GPLD1: variants seen among roughly 807,000 people sequenced by gnomAD.
GPLD1 encodes the protein phosphatidylinositol-glycan-specific phospholipase D.
In GPLD1, 84 loss-of-function variants were observed where a neutral mutation model predicts 112.6. The ratio of observed to expected loss-of-function variants is 0.75; its 90% CI spans 0.63 to 0.89. The LOEUF is 0.89. Ranked by LOEUF, GPLD1 falls within the 40% of genes least tolerant of loss-of-function variation. The pLI is 0.00. For synonymous variants in GPLD1, 386 were observed against 403.8 expected, an observed-to-expected ratio of 0.96 and a Z score of 0.53; for missense variants, 1,044 against 1,051.5, an observed-to-expected ratio of 0.99 and a Z score of 0.10.
intron 20 of GPLD1, among the ~76,000 whole-genome samples, chr6:24,444,676 C>A (rs1216753853): frequency 1.3e-5 from 2 of 151,926 alleles, no homozygotes; most frequent in Non-Finnish European, 1.5e-5. Flanking sequence ...CATGTTGAGA[C>A]CCTCTCGCTA....
intron 24 of GPLD1, 29 bp from the exon 25 acceptor site, chr6:24,429,147 G>A (rs544081554): frequency 2.6e-5 from 37 of 1,434,250 alleles, no homozygotes; most frequent in Admixed American, 8.4e-5. Context: ...AGAATTCATG[G>A]CTCATTCATA....
intron 18 of GPLD1, 38 bp from the exon 19 acceptor site, chr6:24,445,869 A>G (rs1762894778): frequency 7.1e-7 from 1 of 1,411,836 alleles, no homozygotes; most frequent in Admixed American, 1.7e-5. Context: ...GCCAGGGCAC[A>G]AGACTGACAG....
chr6:24,460,739 ATT>A (rs535822410), intron 11 of GPLD1, among the ~76,000 whole-genome samples: 56,742 of 139,426 alleles, frequency 0.41, 11,086 homozygotes, highest in Middle Eastern at 0.49. Flanking sequence ...AAGCATACTG[ATT>A]TTTTTTTTTT....
intron 22 of GPLD1, 79 bp from the exon 23 acceptor site, chr6:24,433,468 T>G: frequency 1.1e-6 from 1 of 909,334 alleles, no homozygotes. Context: ...ATTATACCCT[T>G]ATACCCTCAT....
intron 2 of GPLD1, among the ~76,000 whole-genome samples, chr6:24,481,712 C>T (rs1479553759): frequency 1.3e-5 from 2 of 152,154 alleles, no homozygotes; most frequent in Admixed American, 6.5e-5. Flanking sequence ...TGAGCTCTGA[C>T]GCTGAGTGCT....
At chr6:24,467,746 A>T (rs1023422648) in intron 7 of GPLD1, among the ~76,000 whole-genome samples, 10 of 152,206 alleles carry the variant, frequency 6.6e-5, no homozygotes, top group Non-Finnish European at 1.5e-4. Context: ...AAAGTATACA[A>T]AAAAGTATAC....
At chr6:24,438,688 T>C (rs186367977) in intron 20 of GPLD1, among the ~76,000 whole-genome samples, 2 of 152,328 alleles carry the variant, frequency 1.3e-5, no homozygotes, top group African/African-American at 4.8e-5. Flanking sequence ...CCTAACACAA[T>C]GTCTCCTAAG....
chr6:24,478,104 G>A (rs746530367), intron 3 of GPLD1, among the ~76,000 whole-genome samples: 8 of 152,098 alleles, frequency 5.3e-5, no homozygotes, highest in South Asian at 2.1e-4. Flanking sequence ...TAAAAATGGC[G>A]TACATTAAGC....
chr6:24,437,382 C>A lies in GPLD1; in HGVS notation c.2021-93G>T, dbSNP rs186349372. ...CCATCCTCAAGTGACACTGATCACT[C>A]GGGATCCTACAGGACAGTCGGTTTC... On this transcript the variant is annotated intron_variant, in intron 20 of 24. Transcript: ENST00000230036. The A allele has an allele frequency of 4.1e-6, 5 of 1,209,080 alleles. No homozygotes were observed. In the African/African-American group the frequency reaches 7.4e-5, roughly 18 times the overall value. 74.9% of individuals were successfully genotyped at this position (1,209,080 alleles called of 1,614,324 possible). A position where few individuals can be genotyped will look rare whatever the true frequency, so the allele number is the denominator to read the frequency against.
At chr6:24,458,050 GAC>G (rs1370270412) in intron 12 of GPLD1, among the ~76,000 whole-genome samples, 1 of 151,460 alleles carries the variant, frequency 6.6e-6, no homozygotes, top group Admixed American at 6.6e-5. Context: ...TTACTGCAGA[GAC>G]AAAAAACACA....
In GPLD1 at chr6:24,427,343, T is replaced by G. The variant is rs1268560731; in HGVS notation, c.*1689A>C. Among the ~76,000 whole-genome samples, 6 of 152,188 alleles carry G rather than the reference T, an allele frequency of 3.9e-5. No individual in the cohort carries two copies. The highest frequency in any genetic ancestry group is 5.9e-5 in the Non-Finnish European group (4 of 68,032). On this transcript the variant is annotated 3_prime_UTR_variant, in exon 25 of 25. Transcript: ENST00000230036. ...GTAGCGTGTGGCTCAGGCCACATCT[T>G]TTCCCTCTAGTTCTTTTGGCACAAG...
chr6:24,482,332 G>A (rs2127368735), intron 2 of GPLD1, among the ~76,000 whole-genome samples: 1 of 151,910 alleles, frequency 6.6e-6, no homozygotes, highest in South Asian at 2.1e-4. Context: ...CCAGGCTAGA[G>A]TGCAATGGCA....
At chr6:24,480,106 T>C (rs1167495653) in intron 2 of GPLD1, 147 bp from the exon 3 acceptor site, 8 of 578,992 alleles carry the variant, frequency 1.4e-5, no homozygotes, top group Non-Finnish European at 2.5e-5. Flanking sequence ...AGGCATAAAG[T>C]AAATAAATGA....
At chr6:24,435,244 C>T (rs547319975) in intron 22 of GPLD1, among the ~76,000 whole-genome samples, 2 of 152,044 alleles carry the variant, frequency 1.3e-5, no homozygotes, top group African/African-American at 4.8e-5. Flanking sequence ...ATCTTCTGAC[C>T]TTGTGATCCG....
chr6:24,466,952 C>T lies in GPLD1; in HGVS notation c.654-13G>A. ...CATCTCACCATACCTGCAAAATAAACAATAATTTTGGCTGTGAGTTGCAGT... is the reference window on the plus strand; with the variant it reads ...CATCTCACCATACCTGCAAAATAAATAATAATTTTGGCTGTGAGTTGCAGT... On this transcript the variant is annotated splice_polypyrimidine_tract_variant and intron_variant, in intron 8 of 24. Coordinates refer to ENST00000230036, the MANE Select transcript of GPLD1 (RefSeq NM_001503.4). The T allele has an allele frequency of 6.2e-7, 1 of 1,607,766 alleles. No individual in the cohort carries two copies. The highest frequency in any genetic ancestry group is 1.3e-5 in the African/African-American group (1 of 74,874).
intron 10 of GPLD1, 58 bp downstream of exon 10, chr6:24,466,622 G>A: frequency 3.5e-6 from 5 of 1,411,656 alleles, no homozygotes; most frequent in Non-Finnish European, 5.0e-6. Flanking sequence ...GAGTTATGTT[G>A]GGGGATGGGG....
At chr6:24,462,578 C>T in intron 11 of GPLD1, 152 bp downstream of exon 11, 1 of 622,608 alleles carries the variant, frequency 1.6e-6, no homozygotes, top group Admixed American at 2.8e-5. Flanking sequence ...AAAAATCAAG[C>T]AGCTTGTTTA....
intron 20 of GPLD1, among the ~76,000 whole-genome samples, chr6:24,441,913 A>G (rs1391634387): frequency 6.6e-6 from 1 of 151,110 alleles, no homozygotes; most frequent in Non-Finnish European, 1.5e-5. Flanking sequence ...GAAATATATC[A>G]ATAACAATAA....
chr6:24,460,374 G>A lies in GPLD1; in HGVS notation c.913C>T (p.His305Tyr). Reference sequence around the variant, plus strand: ...GTTAGGGATGTAGTCAAATTTCTGTGAAAATCATTTTTCTGCATTTTTGAG... The same window carrying A: ...GTTAGGGATGTAGTCAAATTTCTGTAAAAATCATTTTTCTGCATTTTTGAG... ...QGSKMQKNDF[H>Y]RNLTTSLTES... Residue 305 changes from histidine (H) to tyrosine (Y), a missense_variant, in exon 12 of 25, where the codon CAC becomes TAC. Coordinates refer to ENST00000230036, the MANE Select transcript of GPLD1 (RefSeq NM_001503.4). 3 of 1,613,646 alleles carry A rather than the reference G, an allele frequency of 1.9e-6. No homozygotes were observed. Among genetic ancestry groups the A allele is most frequent in the Non-Finnish European group, 2.5e-6 (3 of 1,179,726 alleles).
Sources: gnomAD v4.1 joint callset for allele counts (sites outside exome capture counted in the v4.1 genomes callset) on GRCh38, gnomAD v4.1.1 for gene constraint, MANE v1.5 for transcripts, NCBI Gene and HGNC (gene_info 2026-07-23, HGNC 2026-07-21) for gene names.